The following TSPAN12 variants were observed in gnomAD, a reference collection of about 807,000 sequenced individuals.
TSPAN12 encodes tetraspanin 12, also known as tetraspanin-12.
TSPAN12 carries 19 observed loss-of-function variants against 39.2 expected under a neutral mutation model. The observed-to-expected ratio is 0.49, with a 90% CI of 0.34 to 0.71. The LOEUF is 0.71. Ranked by LOEUF, TSPAN12 falls within the 30% of genes least tolerant of loss-of-function variation. The probability of loss-of-function intolerance (pLI) is 0.01; values close to 1 mark genes in which losing one functional copy is unlikely to be tolerated. For missense variants in TSPAN12, 314 were observed against 359.9 expected, an observed-to-expected ratio of 0.87 and a Z score of 1.03; for synonymous variants, 119 against 124.8, an observed-to-expected ratio of 0.95 and a Z score of 0.31.
chr7:120,811,151 G>A (rs1023991057), intron 5 of TSPAN12, among the ~76,000 whole-genome samples: 1 of 152,198 alleles, frequency 6.6e-6, no homozygotes, highest in Non-Finnish European at 1.5e-5. Flanking sequence ...TGGTGGGAAT[G>A]TAAACTAGCA....
Position 120,856,797 on chromosome 7 carries a change from C to T in TSPAN12, c.-34G>A. The stretch of plus-strand genomic sequence containing the variant: ...CCGTAAGGGAGAAGCCCCATCCTTT[C>T]ACCACATCCTACTCCCAAGGGCAAA... On this transcript the variant is annotated 5_prime_UTR_variant, in exon 2 of 8. An upstream open reading frame in the 5' UTR loses its in-frame stop. Coordinates refer to ENST00000222747, the MANE Select transcript of TSPAN12 (RefSeq NM_012338.4). The T allele has an allele frequency of 6.2e-7, 1 of 1,612,668 alleles. No homozygotes were observed. The highest frequency in any genetic ancestry group is 8.5e-7 in the Non-Finnish European group (1 of 1,178,670).
chr7:120,856,270 C>T (rs959026354), intron 2 of TSPAN12, among the ~76,000 whole-genome samples: 8 of 152,050 alleles, frequency 5.3e-5, no homozygotes, highest in African/African-American at 1.9e-4. Context: ...CCCTCGTCCC[C>T]GCCCACAAAA....
At chr7:120,800,870 T>A (rs1793756692) in intron 7 of TSPAN12, among the ~76,000 whole-genome samples, 1 of 148,532 alleles carries the variant, frequency 6.7e-6, no homozygotes. Context: ...TAAGTGATTC[T>A]CCTTCACCTC....
intron 4 of TSPAN12, among the ~76,000 whole-genome samples, chr7:120,819,280 C>A (rs189919635): frequency 6.6e-6 from 1 of 152,002 alleles, no homozygotes; most frequent in African/African-American, 2.4e-5. Context: ...ATTTCTTGAC[C>A]GGTTTTATAA....
At chr7:120,839,300 C>T (rs1391655696) in intron 3 of TSPAN12, among the ~76,000 whole-genome samples, 1 of 152,070 alleles carries the variant, frequency 6.6e-6, no homozygotes, top group Non-Finnish European at 1.5e-5. Flanking sequence ...ATTTTTGATC[C>T]CATGTGCACT....
chr7:120,788,765 A>G lies in TSPAN12; in HGVS notation c.745T>C (p.Tyr249His), dbSNP rs140050977. 5.6e-6 allele frequency: 9 copies of G among 1,614,022 alleles called. No individual in the cohort carries two copies. The highest frequency in any genetic ancestry group is 7.6e-6 in the Non-Finnish European group (9 of 1,180,018). ...GTCCCCGGCTCCCTTCTATCATAATACAGAGCCCAGAGCAGAGTAATGGTG... is the reference window on the plus strand; with the variant it reads ...GTCCCCGGCTCCCTTCTATCATAATGCAGAGCCCAGAGCAGAGTAATGGTG... ...ILTITLLWAL[Y>H]YDRREPGTDQ... is the part of the protein sequence containing the mutation. Residue 249 changes from tyrosine to histidine, a missense_variant, in exon 8 of 8, where the codon TAT (tyrosine) becomes CAT (histidine). Physicochemically the swap from Tyr to His is moderately conservative, Grantham distance 83 (BLOSUM62 2). Coordinates refer to ENST00000222747, the MANE Select transcript of TSPAN12 (RefSeq NM_012338.4).
In TSPAN12 at chr7:120,853,493, T is replaced by TATATATAC. The variant is rs10639551; in HGVS notation, c.66+3204_66+3205insGTATATAT. ...GCAGATATATATATATATATATATATACACACACATATTTATATTTAGACA... is the reference window on the plus strand; with the variant it reads ...GCAGATATATATATATATATATATATATATATACACACACACATATTTATATTTAGACA... On this transcript the variant is annotated intron_variant, in intron 2 of 7. Transcript: ENST00000222747. 8.4e-3 allele frequency among the ~76,000 whole-genome samples: 1,223 copies of TATATATAC among 145,866 alleles called. 11 individuals are homozygous for TATATATAC. The highest frequency in any genetic ancestry group is 9.8e-3 in the Non-Finnish European group (657 of 66,876).
chr7:120,844,838 A>G (rs1794643073), intron 2 of TSPAN12, among the ~76,000 whole-genome samples: 1 of 152,048 alleles, frequency 6.6e-6, no homozygotes, highest in South Asian at 2.1e-4. Flanking sequence ...CCCTCTTCAC[A>G]CTGCTCCACT....
intron 2 of TSPAN12, among the ~76,000 whole-genome samples, chr7:120,843,290 A>G (rs1489676753): frequency 6.6e-6 from 1 of 152,350 alleles, no homozygotes; most frequent in South Asian, 2.1e-4. Flanking sequence ...TATATATGCC[A>G]GACACATCCT....
intron 5 of TSPAN12, among the ~76,000 whole-genome samples, chr7:120,814,645 A>G (rs1049863570): frequency 2.0e-5 from 3 of 152,250 alleles, no homozygotes; most frequent in African/African-American, 4.8e-5. Context: ...GCAAATGTTA[A>G]TAAGTAATAA....
intron 2 of TSPAN12, among the ~76,000 whole-genome samples, chr7:120,855,373 G>A (rs987362334): frequency 2.0e-5 from 3 of 152,188 alleles, no homozygotes; most frequent in African/African-American, 4.8e-5. Context: ...GAAGTGGAAT[G>A]TGATGATTCT....
rs181314583 is a variant in TSPAN12, at chr7:120,835,978, C to A, written c.285+2799G>T. The stretch of plus-strand genomic sequence containing the variant: ...AGCAAAAAATGGCAGATCAAGTCTC[C>A]ATTGTAGAAGGGCTTGGTGTACATT... On this transcript the variant is annotated intron_variant, in intron 4 of 7. Transcript: ENST00000222747. Among the ~76,000 whole-genome samples, 9 of 152,212 alleles carry A rather than the reference C, an allele frequency of 5.9e-5. No homozygotes were observed. In the East Asian group the frequency reaches 1.7e-3, roughly 29 times the overall value.
chr7:120,815,027 G>A (rs1794053239), intron 5 of TSPAN12, among the ~76,000 whole-genome samples: 1 of 152,116 alleles, frequency 6.6e-6, no homozygotes, highest in Non-Finnish European at 1.5e-5. Flanking sequence ...AATCATTTGT[G>A]AATGTGAATC....
At chr7:120,799,596 TTATA>T (rs1793713643) in intron 7 of TSPAN12, among the ~76,000 whole-genome samples, 1 of 113,878 alleles carries the variant, frequency 8.8e-6, no homozygotes, top group African/African-American at 3.5e-5. Context: ...AATAATATAA[TTATA>T]TATAATTATA....
rs1459042386 is a variant in TSPAN12 at position 120,856,719 on chromosome 7, G to A, written c.45C>T (p.Tyr15=). 6.2e-7 allele frequency: 1 copy of A among 1,614,216 alleles called. No homozygotes were observed. The highest frequency in any genetic ancestry group is 1.1e-5 in the South Asian group (1 of 91,086). ...TTACCCAAAAGAGCAGATTGAGGGCGTAGAGCAGGCAGCGCAGACACTTCA... is the reference window on the plus strand; with the variant it reads ...TTACCCAAAAGAGCAGATTGAGGGCATAGAGCAGGCAGCGCAGACACTTCA... ...DSVKCLRCLL[Y]ALNLLFWLMS... Residue 15 remains tyrosine, a synonymous_variant, in exon 2 of 8, where the codon TAC becomes TAT. Coordinates refer to ENST00000222747, the MANE Select transcript of TSPAN12 (RefSeq NM_012338.4).
intron 2 of TSPAN12, among the ~76,000 whole-genome samples, chr7:120,854,632 T>G (rs2116513945): frequency 6.6e-6 from 1 of 152,346 alleles, no homozygotes; most frequent in East Asian, 1.9e-4. Flanking sequence ...TTTGTTGTTG[T>G]TATCACATAC....
Position 120,788,457 on chromosome 7 carries a change from T to C in TSPAN12, c.*135A>G, listed in dbSNP as rs1254364595. The C allele has an allele frequency of 2.2e-5, 23 of 1,067,106 alleles. No individual in the cohort carries two copies. Among genetic ancestry groups the C allele is most frequent in the East Asian group, 1.4e-4 (6 of 41,702 alleles). 66.1% of individuals were successfully genotyped at this position (1,067,106 alleles called of 1,614,324 possible). A position where few individuals can be genotyped will look rare whatever the true frequency, so the allele number is the denominator to read the frequency against. Reference sequence around the variant, plus strand: ...ACTTTTCCATCCTCATTTTAAAGCATAGAATAGTATATGCTTAGGTGTTAT... The same window carrying C: ...ACTTTTCCATCCTCATTTTAAAGCACAGAATAGTATATGCTTAGGTGTTAT... On this transcript the variant is annotated 3_prime_UTR_variant, in exon 8 of 8. Coordinates refer to ENST00000222747, the MANE Select transcript of TSPAN12 (RefSeq NM_012338.4).
At chr7:120,812,398 A>G (rs954671565) in intron 5 of TSPAN12, among the ~76,000 whole-genome samples, 2 of 152,238 alleles carry the variant, frequency 1.3e-5, no homozygotes, top group African/African-American at 4.8e-5. Context: ...GGCTTAGTAA[A>G]GCAAGCTTGA....
At chr7:120,826,027 T>C (rs544295367) in intron 4 of TSPAN12, among the ~76,000 whole-genome samples, 15 of 152,230 alleles carry the variant, frequency 9.9e-5, no homozygotes, top group Non-Finnish European at 2.2e-4. Flanking sequence ...CCAGTATCAA[T>C]AACTACTCAG....
Sources: allele counts gnomAD v4.1 joint callset (sites outside exome capture counted in the v4.1 genomes callset), GRCh38; gene constraint gnomAD v4.1.1; transcripts MANE v1.5; gene names NCBI Gene and HGNC (gene_info 2026-07-23, HGNC 2026-07-21).